The following ABCA9 variants were observed in gnomAD, a reference collection of about 807,000 sequenced individuals.
The protein encoded by ABCA9 is ATP binding cassette subfamily A member 9.
In ABCA9, 183 loss-of-function variants were observed where a neutral mutation model predicts 205.3. That is an observed-to-expected ratio of 0.89 (90% confidence interval 0.79 to 1.01). The LOEUF is 1.01. Ranked by LOEUF, ABCA9 falls within the 50% of genes least tolerant of loss-of-function variation. The pLI is 0.00. For synonymous variants in ABCA9, 651 were observed against 683.3 expected, an observed-to-expected ratio of 0.95 and a Z score of 0.74; for missense variants, 1,805 against 1,912.4, an observed-to-expected ratio of 0.94 and a Z score of 1.05.
rs16973507 is a variant in ABCA9, at chr17:69,010,097, C to A, written c.3148-1862G>T. On this transcript the variant is annotated intron_variant, in intron 23 of 38. Transcript: ENST00000340001. ...ATCCATTATTTATAGAGATGAGTAA[C>A]AACGAAGTACGTAAAATTTAGAGAA... Among the ~76,000 whole-genome samples the A allele has an allele frequency of 8.3e-3, 1,237 of 149,056 alleles. 16 individuals are homozygous for A. The highest frequency in any genetic ancestry group is 0.029 in the African/African-American group (1,197 of 40,594).
intron 28 of ABCA9, 74 bp from the exon 29 acceptor site, chr17:68,991,031 A>C: frequency 6.6e-7 from 1 of 1,522,370 alleles, no homozygotes; most frequent in Non-Finnish European, 8.9e-7. Context: ...AATTTTCTCT[A>C]TACTTCCAAT....
Position 69,029,024 on chromosome 17 carries a change from T to G in ABCA9, c.1504+145A>C, listed in dbSNP as rs1480371609. 4 of 460,436 alleles carry G rather than the reference T, an allele frequency of 8.7e-6. No homozygotes were observed. In the East Asian group the frequency reaches 1.0e-4, roughly 12 times the overall value. 28.5% of individuals were successfully genotyped at this position (460,436 alleles called of 1,614,324 possible). A position where few individuals can be genotyped will look rare whatever the true frequency, so the allele number is the denominator to read the frequency against. The stretch of plus-strand genomic sequence containing the variant: ...TTTTAAAAATTGTTTTATGGGTTTT[T>G]TTTTTACATTGAAGGAAACATAATG... On this transcript the variant is annotated intron_variant, in intron 11 of 38. Coordinates refer to ENST00000340001, the MANE Select transcript of ABCA9 (RefSeq NM_080283.4).
intron 25 of ABCA9, among the ~76,000 whole-genome samples, chr17:69,003,953 T>C (rs531902068): frequency 6.6e-6 from 1 of 152,232 alleles, no homozygotes; most frequent in African/African-American, 2.4e-5. Context: ...TCTCGAGCCT[T>C]GGTTTTCAGC....
chr17:69,015,092 G>A (rs2070536535), intron 22 of ABCA9, among the ~76,000 whole-genome samples: 1 of 152,092 alleles, frequency 6.6e-6, no homozygotes, highest in South Asian at 2.1e-4. Context: ...CAGCATAGCA[G>A]TGCTTTACTC....
At chr17:69,063,022 A>G (rs2072295065), upstream of ABCA9, among the ~76,000 whole-genome samples, 2 of 152,134 alleles carry the variant, frequency 1.3e-5, no homozygotes, top group East Asian at 3.9e-4. Context: ...ATTCTAATCA[A>G]CCCATTTTAC....
intron 25 of ABCA9, among the ~76,000 whole-genome samples, chr17:69,001,139 A>G (rs1212258551): frequency 1.3e-5 from 2 of 151,400 alleles, no homozygotes; most frequent in African/African-American, 4.9e-5. Flanking sequence ...TGCCCTGGCC[A>G]GAACGTCTAA....
rs533205154 is a variant in ABCA9, at chr17:69,046,581, T to C, written c.305-1245A>G. ...TTTTTCATCTACTAATATAAAACAT[T>C]TATAAAATAATATTTTCTATTATCT... On this transcript the variant is annotated intron_variant, in intron 3 of 38. Coordinates refer to ENST00000340001, the MANE Select transcript of ABCA9 (RefSeq NM_080283.4). Among the ~76,000 whole-genome samples, 3 of 152,156 alleles carry C rather than the reference T, an allele frequency of 2.0e-5. No homozygotes were observed. In the South Asian group the frequency reaches 6.2e-4, roughly 32 times the overall value.
At chr17:68,981,039 G>C (rs1337883444) in intron 37 of ABCA9, among the ~76,000 whole-genome samples, 2 of 151,900 alleles carry the variant, frequency 1.3e-5, no homozygotes, top group African/African-American at 4.8e-5. Context: ...CCACTTATAT[G>C]TAGAACCTAA....
chr17:69,026,577 G>A, intron 15 of ABCA9, 110 bp from the exon 16 acceptor site: 2 of 990,406 alleles, frequency 2.0e-6, no homozygotes, highest in Admixed American at 4.2e-5. Flanking sequence ...CACTAAAATA[G>A]ATATACTCTA....
the ABCA9 span, among the ~76,000 whole-genome samples, chr17:69,069,317 G>T: frequency 6.6e-6 from 1 of 152,190 alleles, no homozygotes; most frequent in African/African-American, 2.4e-5. Flanking sequence ...TGGTAATTTT[G>T]ATGAATTGCT....
chr17:69,057,505 G>C (rs2072103773), intron 1 of ABCA9, among the ~76,000 whole-genome samples: 1 of 152,092 alleles, frequency 6.6e-6, no homozygotes, highest in Non-Finnish European at 1.5e-5. Context: ...TAAAACATGG[G>C]CCTAGGCTTT....
chr17:69,018,787 G>T (rs1046120269), intron 19 of ABCA9, among the ~76,000 whole-genome samples: 4 of 152,018 alleles, frequency 2.6e-5, no homozygotes, highest in Non-Finnish European at 5.9e-5. Flanking sequence ...CAAGTGCCAA[G>T]CAGGACACCT....
chr17:68,994,349 T>C (rs1213090674), intron 26 of ABCA9, among the ~76,000 whole-genome samples: 1 of 152,234 alleles, frequency 6.6e-6, no homozygotes, highest in Non-Finnish European at 1.5e-5. Context: ...CCTTTTTATA[T>C]AGAACTACTG....
chr17:69,072,689 A>C, the ABCA9 span, among the ~76,000 whole-genome samples: 2 of 152,316 alleles, frequency 1.3e-5, no homozygotes, highest in Middle Eastern at 3.4e-3. Context: ...AACTGCATCA[A>C]CTGATGGGCA....
At chr17:68,990,129 T>G (rs2069399590) in intron 29 of ABCA9, among the ~76,000 whole-genome samples, 199 bp from the exon 30 acceptor site, 1 of 152,188 alleles carries the variant, frequency 6.6e-6, no homozygotes, top group Non-Finnish European at 1.5e-5. Context: ...ATCCTGGGAT[T>G]TGTTCTTTGG....
At chr17:68,982,452 A>G (rs2069087943) in intron 37 of ABCA9, 110 bp downstream of exon 37, 2 of 825,560 alleles carry the variant, frequency 2.4e-6, no homozygotes, top group Non-Finnish European at 4.0e-6. Context: ...GTAATGTATT[A>G]ATGATATAAC....
chr17:69,056,677 G>A (rs1727775726), intron 1 of ABCA9, among the ~76,000 whole-genome samples: 1 of 152,128 alleles, frequency 6.6e-6, no homozygotes, highest in African/African-American at 2.4e-5. Context: ...TCTTTGTTCT[G>A]TATCTTTCAA....
chr17:69,067,679 A>G, the ABCA9 span, among the ~76,000 whole-genome samples: 1 of 152,112 alleles, frequency 6.6e-6, no homozygotes, highest in African/African-American at 2.4e-5. Flanking sequence ...GAAAGAAGGA[A>G]AGAAATTGGG....
At chr17:69,035,595 A>G in intron 7 of ABCA9, 65 bp downstream of exon 7, 1 of 1,576,270 alleles carries the variant, frequency 6.3e-7, no homozygotes, top group Non-Finnish European at 8.6e-7. Flanking sequence ...AGAATTAGTG[A>G]TAAATTATTG....
Sources: gnomAD v4.1 joint callset for allele counts (sites outside exome capture counted in the v4.1 genomes callset) on GRCh38, gnomAD v4.1.1 for gene constraint, MANE v1.5 for transcripts, NCBI Gene and HGNC (gene_info 2026-07-23, HGNC 2026-07-21) for gene names.